The following TBC1D5 variants were observed in gnomAD, a reference collection of about 807,000 sequenced individuals.
TBC1D5 encodes the protein TBC1 domain family, member 5.
Under a neutral mutation model 100.3 loss-of-function variants are expected in TBC1D5, and 75 were observed. That is an observed-to-expected ratio of 0.75 (90% confidence interval 0.62 to 0.91). The LOEUF (loss-of-function observed/expected upper bound fraction) is 0.91, where lower values mean the gene tolerates loss of function less well. TBC1D5 is among the 40% of genes least tolerant of loss of function. The probability of loss-of-function intolerance (pLI) is 0.00; values close to 1 mark genes in which losing one functional copy is unlikely to be tolerated. For missense variants in TBC1D5, 910 were observed against 942.4 expected, an observed-to-expected ratio of 0.97 and a Z score of 0.45; for synonymous variants, 323 against 325.6, an observed-to-expected ratio of 0.99 and a Z score of 0.09.
chr3:17,348,154 T>C (rs2090138605), intron 13 of TBC1D5, among the ~76,000 whole-genome samples: 1 of 152,320 alleles, frequency 6.6e-6, no homozygotes, highest in South Asian at 2.1e-4. Context: ...CCAAAATAAG[T>C]TAAATTGGAC....
intron 2 of TBC1D5, among the ~76,000 whole-genome samples, chr3:17,588,378 T>C (rs531284047): frequency 6.4e-4 from 97 of 152,156 alleles, no homozygotes; most frequent in African/African-American, 2.2e-3. Context: ...ATGTTTACCA[T>C]AGTCTCACTG....
intron 3 of TBC1D5, among the ~76,000 whole-genome samples, chr3:17,457,910 A>G (rs2095124335): frequency 6.6e-6 from 1 of 152,160 alleles, no homozygotes; most frequent in South Asian, 2.1e-4. Flanking sequence ...TCTACGCTAC[A>G]CTCAGTGCTC....
chr3:17,494,826 T>C (rs2095685316), intron 3 of TBC1D5, among the ~76,000 whole-genome samples: 1 of 152,196 alleles, frequency 6.6e-6, no homozygotes, highest in South Asian at 2.1e-4. Flanking sequence ...TCCAGCCTGC[T>C]GCTAGCTGGC....
chr3:17,189,567 A>G (rs2069605440), intron 18 of TBC1D5, among the ~76,000 whole-genome samples: 1 of 152,236 alleles, frequency 6.6e-6, no homozygotes, highest in African/African-American at 2.4e-5. Context: ...GCTTTGCTGT[A>G]TTAACATGTT....
At chr3:17,321,584 G>A (rs2085414363) in intron 13 of TBC1D5, among the ~76,000 whole-genome samples, 1 of 152,128 alleles carries the variant, frequency 6.6e-6, no homozygotes, top group Non-Finnish European at 1.5e-5. Flanking sequence ...AGAGTATAAA[G>A]CTGAGAATTT....
At chr3:17,535,443 C>T (rs530612612) in intron 2 of TBC1D5, among the ~76,000 whole-genome samples, 2 of 152,178 alleles carry the variant, frequency 1.3e-5, no homozygotes, top group South Asian at 4.2e-4. Context: ...ATTCAATGTT[C>T]CCTTGCATGG....
chr3:17,336,731 C>A (rs1409989121), intron 13 of TBC1D5, among the ~76,000 whole-genome samples: 1 of 151,256 alleles, frequency 6.6e-6, no homozygotes, highest in African/African-American at 2.4e-5. Flanking sequence ...AGATAAAAAT[C>A]CAAAACAAAA....
chr3:17,713,157 T>TGA (rs1449923426), intron 1 of TBC1D5, among the ~76,000 whole-genome samples: 1 of 152,172 alleles, frequency 6.6e-6, no homozygotes, highest in Non-Finnish European at 1.5e-5. Flanking sequence ...TTCTTAGATA[T>TGA]GACACCAAAA....
At chr3:17,250,489 A>C (rs1242691889) in intron 16 of TBC1D5, among the ~76,000 whole-genome samples, 2 of 152,174 alleles carry the variant, frequency 1.3e-5, no homozygotes, top group African/African-American at 4.8e-5. Context: ...CTATCTCTCC[A>C]ACCTCATTTA....
At chr3:17,314,908 AAC>A (rs2084487940) in intron 13 of TBC1D5, among the ~76,000 whole-genome samples, 1 of 152,188 alleles carries the variant, frequency 6.6e-6, no homozygotes, top group African/African-American at 2.4e-5. Context: ...GGATGGTAAA[AAC>A]ACAGATTGCT....
intron 13 of TBC1D5, among the ~76,000 whole-genome samples, chr3:17,317,976 C>A (rs2084905751): frequency 1.3e-5 from 2 of 152,010 alleles, no homozygotes; most frequent in African/African-American, 4.8e-5. Flanking sequence ...TGGAACCAAC[C>A]CAAATGTCCA....
At chr3:17,465,006 T>A (rs1320973311) in intron 3 of TBC1D5, 3 of 151,910 alleles carry the variant, frequency 2.0e-5, no homozygotes, top group Admixed American at 2.0e-4. Context: ...GACCACTTCT[T>A]CTCTACTGTC....
intron 13 of TBC1D5, among the ~76,000 whole-genome samples, chr3:17,335,157 A>G (rs1193953682): frequency 3.3e-5 from 5 of 152,152 alleles, no homozygotes; most frequent in Admixed American, 3.3e-4. Flanking sequence ...ATTACTAAAC[A>G]TATCTTAACA....
At chr3:17,490,722 T>C (rs1050121995) in intron 3 of TBC1D5, among the ~76,000 whole-genome samples, 9 of 152,220 alleles carry the variant, frequency 5.9e-5, no homozygotes, top group Non-Finnish European at 1.3e-4. Flanking sequence ...TGTAGCTTTG[T>C]AGTATAGTTT....
At chr3:17,405,827 A>C (rs1395889218) in intron 5 of TBC1D5, among the ~76,000 whole-genome samples, 1 of 152,112 alleles carries the variant, frequency 6.6e-6, no homozygotes, top group Non-Finnish European at 1.5e-5. Context: ...AATGAGTCTA[A>C]ACCTAAATAA....
At chr3:17,371,972 G>T in intron 13 of TBC1D5, 103 bp downstream of exon 13, 1 of 1,151,056 alleles carries the variant, frequency 8.7e-7, no homozygotes, top group Non-Finnish European at 1.2e-6. Context: ...AGGGGGCAGA[G>T]TTTGCAGTAA....
intron 2 of TBC1D5, among the ~76,000 whole-genome samples, chr3:17,577,392 C>G (rs1360687019): frequency 6.6e-6 from 1 of 151,962 alleles, no homozygotes. Flanking sequence ...TAACTTTTAA[C>G]TTGGAATTAC....
chr3:17,695,650 G>C (rs1024314428), intron 1 of TBC1D5, among the ~76,000 whole-genome samples: 2 of 152,118 alleles, frequency 1.3e-5, no homozygotes, highest in South Asian at 2.1e-4. Flanking sequence ...ATAATAATGG[G>C]AGACTTTAAC....
At chr3:17,437,484 AT>A (rs1422988992) in intron 3 of TBC1D5, among the ~76,000 whole-genome samples, 4 of 152,176 alleles carry the variant, frequency 2.6e-5, no homozygotes, top group Non-Finnish European at 4.4e-5. Flanking sequence ...TACCACCCAC[AT>A]CTATTACAAG....
Sources: gnomAD v4.1 joint callset for allele counts (sites outside exome capture counted in the v4.1 genomes callset) on GRCh38, gnomAD v4.1.1 for gene constraint, MANE v1.5 for transcripts, NCBI Gene and HGNC (gene_info 2026-07-23, HGNC 2026-07-21) for gene names.